The following DOCK4 variants were observed in gnomAD, a reference collection of about 807,000 sequenced individuals.
DOCK4 encodes the protein dedicator of cytokinesis 4, also known as dedicator of cytokinesis protein 4.
In DOCK4, 97 loss-of-function variants were observed where a neutral mutation model predicts 268.1. The ratio of observed to expected loss-of-function variants is 0.36; its 90% CI spans 0.31 to 0.43. The LOEUF is 0.43. DOCK4 is among the 20% of genes least tolerant of loss of function. The pLI is 1.00. For missense variants in DOCK4, 2,145 were observed against 2,455.7 expected (o/e 0.87, Z 2.67); for synonymous variants, 954 against 887.2 (o/e 1.08, Z -1.34).
At chr7:112,166,545 C>A (rs563341694) in intron 1 of DOCK4, among the ~76,000 whole-genome samples, 3 of 152,130 alleles carry the variant, frequency 2.0e-5, no homozygotes, top group Non-Finnish European at 2.9e-5. Flanking sequence ...ACCTTCAGAG[C>A]CTACAGTGAA....
chr7:111,728,026 T>G lies in DOCK4; in HGVS notation c.*248A>C, dbSNP rs1053669166. Reference sequence around the variant, plus strand: ...ACATAAAAAGGTACAAAAGGAGTCTTTATCACTATTTACCACTTCCAAATG... The same window carrying G: ...ACATAAAAAGGTACAAAAGGAGTCTGTATCACTATTTACCACTTCCAAATG... On this transcript the variant is annotated 3_prime_UTR_variant, in exon 53 of 53. Coordinates refer to ENST00000428084, the MANE Select transcript of DOCK4 (RefSeq NM_001363540.2). 7.7e-6 allele frequency: 3 copies of G among 388,504 alleles called. No individual in the cohort carries two copies. In the Admixed American group the frequency reaches 1.3e-4, roughly 17 times the overall value. 24.1% of individuals were successfully genotyped at this position (388,504 alleles called of 1,614,324 possible). A position where few individuals can be genotyped will look rare whatever the true frequency, so the allele number is the denominator to read the frequency against.
At chr7:112,137,697 T>A (rs1814491524) in intron 1 of DOCK4, among the ~76,000 whole-genome samples, 1 of 152,176 alleles carries the variant, frequency 6.6e-6, no homozygotes, top group Non-Finnish European at 1.5e-5. Flanking sequence ...CAATGGCTAA[T>A]CTCTTTTCCA....
chr7:112,202,809 G>A (rs1028365923), intron 1 of DOCK4, among the ~76,000 whole-genome samples: 1 of 151,590 alleles, frequency 6.6e-6, no homozygotes, highest in Non-Finnish European at 1.5e-5. Context: ...ATTATTATTT[G>A]TCAAGGAAAA....
rs376474478 is a variant in DOCK4 at position 111,783,966 on chromosome 7, A to G, written c.3429-14T>C. 1.6e-5 allele frequency: 26 copies of G among 1,587,538 alleles called. No homozygotes were observed. The Admixed American group carries it at 3.9e-4, about 24-fold the overall frequency. ...TTCTTTAGTAGACTGGAAAAGAAAG[A>G]ACCCGGGGCATTTTCAACATTTATT... On this transcript the variant is annotated splice_polypyrimidine_tract_variant and intron_variant, in intron 33 of 52. Transcript: ENST00000428084.
chr7:112,133,582 A>C (rs1814018598), intron 1 of DOCK4, among the ~76,000 whole-genome samples: 1 of 152,064 alleles, frequency 6.6e-6, no homozygotes, highest in African/African-American at 2.4e-5. Flanking sequence ...ATAGCCGGGC[A>C]TGGTGGCGTG....
chr7:111,773,046 G>C (rs1247389015), intron 36 of DOCK4, among the ~76,000 whole-genome samples: 1 of 152,134 alleles, frequency 6.6e-6, no homozygotes, highest in East Asian at 1.9e-4. Flanking sequence ...ATTTGATTTG[G>C]GAAAATGACA....
At chr7:112,106,536 C>T (rs1173202717) in intron 1 of DOCK4, among the ~76,000 whole-genome samples, 1 of 152,180 alleles carries the variant, frequency 6.6e-6, no homozygotes, top group Non-Finnish European at 1.5e-5. Context: ...CGGTGGATGG[C>T]AGAAATGCTT....
intron 12 of DOCK4, among the ~76,000 whole-genome samples, chr7:111,933,584 C>A (rs538912515): frequency 2.6e-5 from 4 of 151,786 alleles, no homozygotes; most frequent in Non-Finnish European, 5.9e-5. Context: ...CGTGAGCCAC[C>A]GCACCCAGCC....
intron 1 of DOCK4, among the ~76,000 whole-genome samples, chr7:112,092,281 A>T (rs1281939986): frequency 6.6e-6 from 1 of 152,164 alleles, no homozygotes. Context: ...TCTGCCACTA[A>T]ATAAATAAAC....
rs1317771951 is a variant in DOCK4, at chr7:111,766,881, A to G, written c.3915+151T>C. 7 of 572,052 alleles carry G rather than the reference A, an allele frequency of 1.2e-5. No homozygotes were observed. In the East Asian group the frequency reaches 1.8e-4, roughly 15 times the overall value. 35.4% of individuals were successfully genotyped at this position (572,052 alleles called of 1,614,324 possible). A position where few individuals can be genotyped will look rare whatever the true frequency, so the allele number is the denominator to read the frequency against. On this transcript the variant is annotated intron_variant, in intron 38 of 52. Transcript: ENST00000428084. ...AAAGCATTACACAAATCAATTTGCT[A>G]TTTCTCTATATAAATAGCTAAGTAT...
In DOCK4 at chr7:112,206,316, C is replaced by A. The variant is rs1821404860; in HGVS notation, c.-178G>T. On this transcript the variant is annotated 5_prime_UTR_variant, in exon 1 of 53. Transcript: ENST00000428084. Reference sequence around the variant, plus strand: ...CCCGAGCCCAGCGTTGACACTGCGCCGCCCGCAGCTCTCCCGGCGGCGGCT... The same window carrying A: ...CCCGAGCCCAGCGTTGACACTGCGCAGCCCGCAGCTCTCCCGGCGGCGGCT... 1.6e-6 allele frequency: 1 copy of A among 642,152 alleles called. No individual in the cohort carries two copies. The highest frequency in any genetic ancestry group is 2.0e-5 in the South Asian group (1 of 50,226). The allele number at this position is 642,152 out of a possible 1,614,324, so 39.8% of individuals were successfully genotyped here.
intron 8 of DOCK4, among the ~76,000 whole-genome samples, chr7:111,974,380 G>A (rs1379208077): frequency 6.6e-6 from 1 of 152,038 alleles, no homozygotes; most frequent in African/African-American, 2.4e-5. Context: ...GTGATTGTGA[G>A]TTTGAGAGGT....
At chr7:112,054,231 C>A (rs1299406042) in intron 1 of DOCK4, among the ~76,000 whole-genome samples, 1 of 152,098 alleles carries the variant, frequency 6.6e-6, no homozygotes, top group Non-Finnish European at 1.5e-5. Context: ...AGTACCTCCA[C>A]CTCAGAACTG....
At chr7:111,901,413 C>G (rs1441599821) in intron 14 of DOCK4, among the ~76,000 whole-genome samples, 12 of 147,006 alleles carry the variant, frequency 8.2e-5, no homozygotes, top group African/African-American at 2.8e-4. Context: ...ATTAAGCAAA[C>G]TGTAAAAGTT....
intron 1 of DOCK4, among the ~76,000 whole-genome samples, chr7:112,198,711 T>C (rs921487325): frequency 6.6e-6 from 1 of 152,244 alleles, no homozygotes; most frequent in Admixed American, 6.5e-5. Flanking sequence ...ATAATCTATA[T>C]ATTCTAACAA....
chr7:111,959,272 T>A (rs537277905), intron 8 of DOCK4, among the ~76,000 whole-genome samples: 7 of 152,260 alleles, frequency 4.6e-5, no homozygotes, highest in African/African-American at 1.7e-4. Context: ...TCTCCATCTA[T>A]TTTTGTTCTC....
At position 111,791,070 on chromosome 7, in the gene DOCK4, T is replaced by TTATATATATATATATATA. The variant is rs35033313; in HGVS notation, c.3167-483_3167-466dup. On this transcript the variant is annotated intron_variant, in intron 30 of 52. Coordinates refer to ENST00000428084, the MANE Select transcript of DOCK4 (RefSeq NM_001363540.2). ...AAGACTCTGTCTCAAAAAAAAAAAA[T>TTATATATATATATATATA]TATATATATATATATATATATATAT... 3.0e-3 allele frequency among the ~76,000 whole-genome samples: 287 copies of TTATATATATATATATATA among 95,336 alleles called. 12 individuals carry two copies. The highest frequency in any genetic ancestry group is 0.016 in the African/African-American group (262 of 16,432). The allele number at this position is 95,336 out of a possible 152,430, so 62.5% of individuals were successfully genotyped here.
chr7:111,971,807 G>A, intron 8 of DOCK4: 1 of 298,468 alleles, frequency 3.4e-6, no homozygotes, highest in Admixed American at 4.0e-5. Flanking sequence ...ACGGGGGATG[G>A]CTCTTTGCCA....
At position 111,994,218 on chromosome 7, in the gene DOCK4, C is replaced by T. The variant is rs1039598995; in HGVS notation, c.232G>A (p.Val78Ile). The T allele has an allele frequency of 6.3e-7, 1 of 1,588,084 alleles. No individual in the cohort carries two copies. Among genetic ancestry groups the T allele is most frequent in the Non-Finnish European group, 8.6e-7 (1 of 1,164,922 alleles). ...CVKNKGQFEMVIPTEDSVITE... is the reference protein window; with the variant it reads ...CVKNKGQFEMIIPTEDSVITE... ...ATAACAGAGTCTTCAGTGGGAATAA[C>T]CATTTCAAATTGTCTGTGAAATTAA... The change falls in exon 5 of 53, where the codon GTT becomes ATT. Residue 78 changes from valine to isoleucine, a missense_variant. Physicochemically the swap from Val to Ile is conservative, Grantham distance 29 (BLOSUM62 3). Transcript: ENST00000428084.
Sources: allele counts gnomAD v4.1 joint callset (sites outside exome capture counted in the v4.1 genomes callset), GRCh38; gene constraint gnomAD v4.1.1; transcripts MANE v1.5; gene names NCBI Gene and HGNC (gene_info 2026-07-23, HGNC 2026-07-21).